The following COMMD1 variants were observed in gnomAD, a reference collection of about 807,000 sequenced individuals.
The protein encoded by COMMD1 is COMM domain-containing protein 1.
A neutral mutation model predicts 17.2 loss-of-function variants in COMMD1; 10 were observed. That is an observed-to-expected ratio of 0.58 (90% CI 0.36 to 0.99). The LOEUF is 0.99. COMMD1 is among the 50% of genes least tolerant of loss of function. COMMD1 has a pLI of 0.01. For synonymous variants in COMMD1, 97 were observed against 91.6 expected (o/e 1.06, Z -0.34); for missense variants, 270 against 231.8 (o/e 1.17, Z -1.07).
At chr2:61,918,537 C>T (rs1197075482) in intron 1 of COMMD1, 1 of 152,136 alleles carries the variant, frequency 6.6e-6, no homozygotes, top group Non-Finnish European at 1.5e-5. Flanking sequence ...AAAACCCATT[C>T]AATTAATCTA....
At chr2:61,960,679 G>C (rs1671317842) in intron 1 of COMMD1, among the ~76,000 whole-genome samples, 1 of 152,140 alleles carries the variant, frequency 6.6e-6, no homozygotes, top group African/African-American at 2.4e-5. Context: ...ATCATGTCTA[G>C]GGCTTTCCTA....
At chr2:61,993,180 A>G (rs922026335) in intron 1 of COMMD1, among the ~76,000 whole-genome samples, 4 of 152,234 alleles carry the variant, frequency 2.6e-5, no homozygotes, top group Non-Finnish European at 5.9e-5. Context: ...TGATAGTGGT[A>G]TAGAAGATAG....
chr2:61,922,730 T>C (rs1670231061), intron 1 of COMMD1, among the ~76,000 whole-genome samples: 1 of 152,224 alleles, frequency 6.6e-6, no homozygotes, highest in Admixed American at 6.5e-5. Flanking sequence ...ATTTCACAGA[T>C]GCTATTAGTT....
At chr2:62,133,931 A>G (rs1673113949) in intron 2 of COMMD1, among the ~76,000 whole-genome samples, 1 of 152,106 alleles carries the variant, frequency 6.6e-6, no homozygotes, top group African/African-American at 2.4e-5. Flanking sequence ...AGCTAGGACT[A>G]CAGGTGCGCA....
chr2:61,916,590 T>A (rs1670056905), intron 1 of COMMD1, among the ~76,000 whole-genome samples: 1 of 151,766 alleles, frequency 6.6e-6, no homozygotes, highest in African/African-American at 2.4e-5. Flanking sequence ...CCCGGCTAAT[T>A]TAAAAAAAAA....
intron 2 of COMMD1, among the ~76,000 whole-genome samples, chr2:62,064,332 C>G (rs1203991359): frequency 6.6e-6 from 1 of 152,004 alleles, no homozygotes; most frequent in Non-Finnish European, 1.5e-5. Flanking sequence ...TGCCACAACG[C>G]CTGGCTAATT....
At chr2:62,126,524 T>C (rs1312844915) in intron 2 of COMMD1, among the ~76,000 whole-genome samples, 1 of 152,224 alleles carries the variant, frequency 6.6e-6, no homozygotes, top group African/African-American at 2.4e-5. Context: ...TAATGATCAG[T>C]GACATTGGGC....
At chr2:61,944,605 C>A (rs1464194541) in intron 1 of COMMD1, among the ~76,000 whole-genome samples, 4 of 152,226 alleles carry the variant, frequency 2.6e-5, no homozygotes, top group Non-Finnish European at 5.9e-5. Flanking sequence ...TAGCTCTCAT[C>A]TGCCATTACA....
intron 1 of COMMD1, among the ~76,000 whole-genome samples, chr2:61,971,508 C>T (rs1671651633): frequency 2.0e-5 from 3 of 151,664 alleles, no homozygotes; most frequent in African/African-American, 7.3e-5. Flanking sequence ...GGGCATCTAA[C>T]AAAGGCAAAA....
At chr2:62,046,291 C>G (rs1452626262) in intron 2 of COMMD1, among the ~76,000 whole-genome samples, 3 of 152,150 alleles carry the variant, frequency 2.0e-5, no homozygotes, top group Admixed American at 2.0e-4. Context: ...TATAAAGGTA[C>G]AGAAAAGTAA....
At chr2:62,008,958 A>G (rs1039210142) in intron 2 of COMMD1, among the ~76,000 whole-genome samples, 1 of 152,016 alleles carries the variant, frequency 6.6e-6, no homozygotes, top group Non-Finnish European at 1.5e-5. Flanking sequence ...TAATTTTTGC[A>G]TTTTTAGTAG....
intron 2 of COMMD1, among the ~76,000 whole-genome samples, chr2:62,043,656 C>T (rs1326368382): frequency 6.6e-6 from 1 of 152,154 alleles, no homozygotes; most frequent in Non-Finnish European, 1.5e-5. Context: ...AATAACTCTC[C>T]TCTAAAATCT....
chr2:62,096,999 T>C (rs1672030602), intron 2 of COMMD1, among the ~76,000 whole-genome samples: 1 of 152,208 alleles, frequency 6.6e-6, no homozygotes, highest in East Asian at 1.9e-4. Context: ...TATTGGTGAT[T>C]TGCCCAAGTG....
chr2:62,133,723 A>G (rs1673107231), intron 2 of COMMD1, among the ~76,000 whole-genome samples: 1 of 152,170 alleles, frequency 6.6e-6, no homozygotes, highest in Non-Finnish European at 1.5e-5. Context: ...ATAGTAGATA[A>G]GAGTTATTTT....
chr2:61,891,924 C>T (rs1054100448), intron 1 of COMMD1, among the ~76,000 whole-genome samples: 10 of 151,518 alleles, frequency 6.6e-5, no homozygotes, highest in African/African-American at 1.2e-4. Context: ...CTCCGCCTCC[C>T]GGGTTCACGC....
At chr2:61,933,210 T>A (rs1670514485) in intron 1 of COMMD1, among the ~76,000 whole-genome samples, 1 of 151,786 alleles carries the variant, frequency 6.6e-6, no homozygotes, top group Non-Finnish European at 1.5e-5. Context: ...CTTCTCTGCT[T>A]GCCACTCAGC....
In COMMD1 at chr2:61,919,166, C is replaced by A. The variant is rs181511944; in HGVS notation, c.180+13308C>A. ...AGCTGGGATTACAGGCATGCGCCAC[C>A]ATGCCCAGCTAATTTTGGATTTTTA... On this transcript the variant is annotated intron_variant, in intron 1 of 2. Coordinates refer to ENST00000311832, the MANE Select transcript of COMMD1 (RefSeq NM_152516.4). Among the ~76,000 whole-genome samples, 134 of 152,090 alleles carry A rather than the reference C, an allele frequency of 8.8e-4. 1 individual carries two copies. Among genetic ancestry groups the A allele is most frequent in the African/African-American group, 3.2e-3 (131 of 41,496 alleles).
intron 2 of COMMD1, among the ~76,000 whole-genome samples, chr2:62,047,324 T>G (rs1018673620): frequency 6.6e-6 from 1 of 152,212 alleles, no homozygotes; most frequent in African/African-American, 2.4e-5. Context: ...GTAGTCTAAG[T>G]GTAGAATATT....
chr2:62,113,305 T>A (rs568414329), intron 2 of COMMD1, among the ~76,000 whole-genome samples: 1 of 152,176 alleles, frequency 6.6e-6, no homozygotes, highest in Non-Finnish European at 1.5e-5. Flanking sequence ...TGAGCTATGA[T>A]TGTGCCACTG....
Sources: gnomAD v4.1 joint callset for allele counts (sites outside exome capture counted in the v4.1 genomes callset) on GRCh38, gnomAD v4.1.1 for gene constraint, MANE v1.5 for transcripts, NCBI Gene and HGNC (gene_info 2026-07-23, HGNC 2026-07-21) for gene names.